Variants in MTMR8 observed in about 807,000 individuals in gnomAD.
The protein encoded by MTMR8 is phosphatidylinositol-3,5-bisphosphate 3-phosphatase MTMR8.
MTMR8 carries 65 observed loss-of-function variants against 39.3 expected under a neutral mutation model. The observed-to-expected ratio is 1.65, with a 90% CI of 1.35 to 2.03. The LOEUF is 2.03. Among genes scored for constraint, MTMR8 ranks in the 30% most tolerant of loss-of-function variants. The probability of loss-of-function intolerance (pLI) is 0.00; values close to 1 mark genes in which losing one functional copy is unlikely to be tolerated. For synonymous variants in MTMR8, 245 were observed against 185.2 expected, an observed-to-expected ratio of 1.32 and a Z score of -2.62; for missense variants, 777 against 538.9, an observed-to-expected ratio of 1.44 and a Z score of -4.37.
chrX:64,271,084 C>A lies in MTMR8; in HGVS notation c.1482-11G>T, dbSNP rs753340483. ...ATCCCACACCAGAACCTCAAATAGA[C>A]AAAAATGGGGGGAAAAGTGGGTTAG... On this transcript the variant is annotated splice_polypyrimidine_tract_variant and intron_variant, in intron 12 of 13. Transcript: ENST00000374852. 4.3e-6 allele frequency: 5 copies of A among 1,173,870 alleles called. No individual in the cohort carries two copies. The African/African-American group carries it at 7.2e-5, about 17-fold the overall frequency.
intron 12 of MTMR8, among the ~76,000 whole-genome samples, chrX:64,323,367 A>G (rs1290327040): frequency 8.9e-6 from 1 of 112,379 alleles, no homozygotes; most frequent in Admixed American, 9.4e-5. Flanking sequence ...ACAAGATGAT[A>G]CGAAAAATTT....
intron 1 of MTMR8, among the ~76,000 whole-genome samples, chrX:64,389,982 G>C (rs1225631815): frequency 8.9e-6 from 1 of 112,019 alleles, no homozygotes; most frequent in African/African-American, 3.2e-5. Context: ...ACTGGAAGGG[G>C]AGCACAATTC....
intron 1 of MTMR8, among the ~76,000 whole-genome samples, chrX:64,370,963 G>A (rs1410318575): frequency 9.0e-6 from 1 of 111,207 alleles, no homozygotes; most frequent in Admixed American, 9.6e-5. Context: ...CACTATCCTG[G>A]GCAACATAGC....
chrX:64,290,993 A>T (rs757106158), intron 12 of MTMR8, among the ~76,000 whole-genome samples: 45 of 112,108 alleles, frequency 4.0e-4, no homozygotes, highest in African/African-American at 1.4e-3. Context: ...CAATTTGTAC[A>T]ATTGTTGGGG....
At chrX:64,328,374 G>A (rs1468506253) in intron 12 of MTMR8, among the ~76,000 whole-genome samples, 1 of 111,770 alleles carries the variant, frequency 8.9e-6, no homozygotes, top group Non-Finnish European at 1.9e-5. Context: ...CTTTGTGAGT[G>A]CCTCAGCCTG....
Position 64,325,045 on chromosome X carries a change from C to A in MTMR8, c.1481+3727G>T, listed in dbSNP as rs775616964. On this transcript the variant is annotated intron_variant, in intron 12 of 13. Coordinates refer to ENST00000374852, the MANE Select transcript of MTMR8 (RefSeq NM_017677.4). ...CAGGAACAATTCTATGCCAGAAAAC[C>A]CAGATAACCTATAAAAAATGGATAA... Among the ~76,000 whole-genome samples, 3 of 110,622 alleles carry A rather than the reference C, an allele frequency of 2.7e-5. No homozygotes were observed. The South Asian group carries it at 1.1e-3, about 42-fold the overall frequency.
Position 64,331,591 on chromosome X carries a change from G to A in MTMR8, c.1318C>T (p.Leu440Phe), listed in dbSNP as rs894919613. The part of the protein sequence containing the change: ...HVFSCQFGNF[L>F]GNCQKDREDL... ...TCCCGATCCTTCTGGCAGTTACCAA[G>A]GAAGTTTCCAAACTGGCAGGAGAAA... The change falls in exon 11 of 14, where the codon CTT becomes TTT. Residue 440 changes from leucine to phenylalanine, a missense_variant. Coordinates refer to ENST00000374852, the MANE Select transcript of MTMR8 (RefSeq NM_017677.4). 8.3e-7 allele frequency: 1 copy of A among 1,210,453 alleles called. No individual in the cohort carries two copies. Among genetic ancestry groups the A allele is most frequent in the Admixed American group, 2.2e-5 (1 of 45,904 alleles).
intron 12 of MTMR8, among the ~76,000 whole-genome samples, chrX:64,288,633 G>A (rs1183969477): frequency 1.8e-5 from 2 of 112,011 alleles, no homozygotes; most frequent in Non-Finnish European, 1.9e-5. Flanking sequence ...GTCCAACAAT[G>A]ATAGATTGGA....
intron 1 of MTMR8, chrX:64,360,471 T>C (rs1175565975): frequency 5.1e-6 from 1 of 194,865 alleles, no homozygotes; most frequent in Non-Finnish European, 9.4e-6. Context: ...ATATACAGAG[T>C]AGGACTCTAT....
intron 12 of MTMR8, among the ~76,000 whole-genome samples, chrX:64,297,793 T>C (rs1026218434): frequency 2.7e-5 from 3 of 111,455 alleles, no homozygotes; most frequent in African/African-American, 6.5e-5. Context: ...TTCAGCTTTC[T>C]ACATATGACT....
intron 1 of MTMR8, among the ~76,000 whole-genome samples, chrX:64,361,017 G>T (rs1475749330): frequency 9.0e-6 from 1 of 110,950 alleles, no homozygotes; most frequent in Non-Finnish European, 1.9e-5. Flanking sequence ...ATTTCAAAAG[G>T]TTAATAGGAT....
chrX:64,386,919 G>A (rs1924575468), intron 1 of MTMR8, among the ~76,000 whole-genome samples: 1 of 110,241 alleles, frequency 9.1e-6, no homozygotes, highest in African/African-American at 3.3e-5. Context: ...CATGTGTGGG[G>A]CCATGCTCCT....
chrX:64,332,718 G>A (rs763370222), intron 10 of MTMR8, among the ~76,000 whole-genome samples: 33 of 111,603 alleles, frequency 3.0e-4, no homozygotes, highest in Non-Finnish European at 5.1e-4. Flanking sequence ...TGTTGATGTA[G>A]ATGACTTACA....
chrX:64,317,811 G>C (rs1212330500), intron 12 of MTMR8, among the ~76,000 whole-genome samples: 2 of 112,222 alleles, frequency 1.8e-5, no homozygotes, highest in Non-Finnish European at 3.8e-5. Context: ...AGAAGGAGGA[G>C]TGCCTCCTCA....
In MTMR8 at chrX:64,304,883, T is replaced by C. The variant is rs1427162170; in HGVS notation, c.1481+23889A>G. ...ATTTATATATATATATATATATATA[T>C]ATATATATATATATATATATATATA... On this transcript the variant is annotated intron_variant, in intron 12 of 13. Coordinates refer to ENST00000374852, the MANE Select transcript of MTMR8 (RefSeq NM_017677.4). Among the ~76,000 whole-genome samples, 108 of 78,119 alleles carry C rather than the reference T, an allele frequency of 1.4e-3. 5 individuals carry two copies. Among genetic ancestry groups the C allele is most frequent in the African/African-American group, 4.6e-3 (105 of 23,031 alleles). The allele number at this position is 78,119 out of a possible 115,157, so 67.8% of individuals were successfully genotyped here.
chrX:64,277,586 G>A (rs1931906268), intron 12 of MTMR8, among the ~76,000 whole-genome samples: 1 of 112,198 alleles, frequency 8.9e-6, no homozygotes, highest in Non-Finnish European at 1.9e-5. Context: ...CTTCTGGTTT[G>A]TAGGGTTTCT....
At chrX:64,282,959 G>C (rs1481638987) in intron 12 of MTMR8, among the ~76,000 whole-genome samples, 2 of 111,796 alleles carry the variant, frequency 1.8e-5, no homozygotes, top group African/African-American at 3.3e-5. Flanking sequence ...CATCTCACTA[G>C]GGCTTGTTGG....
intron 1 of MTMR8, among the ~76,000 whole-genome samples, chrX:64,373,759 T>C (rs1163875002): frequency 1.8e-5 from 2 of 110,961 alleles, no homozygotes; most frequent in Non-Finnish European, 1.9e-5. Flanking sequence ...TAGGGGAAGA[T>C]GCCAAGATAC....
At chrX:64,291,258 C>T (rs969071196) in intron 12 of MTMR8, among the ~76,000 whole-genome samples, 1 of 110,706 alleles carries the variant, frequency 9.0e-6, no homozygotes, top group Non-Finnish European at 1.9e-5. Context: ...TTAGAGCCTG[C>T]CTGTCTTGCA....
Sources: gnomAD v4.1 joint callset for allele counts (sites outside exome capture counted in the v4.1 genomes callset) on GRCh38, gnomAD v4.1.1 for gene constraint, MANE v1.5 for transcripts, NCBI Gene and HGNC (gene_info 2026-07-23, HGNC 2026-07-21) for gene names.